Variants in ATXN7L1 observed in about 807,000 individuals in gnomAD.
ATXN7L1 encodes the protein ataxin-7-like protein 1.
Under a neutral mutation model 70.8 loss-of-function variants are expected in ATXN7L1, and 15 were observed. The observed-to-expected ratio is 0.21, with a 90% CI of 0.14 to 0.33. The LOEUF (loss-of-function observed/expected upper bound fraction) is 0.33. Among genes scored for constraint, ATXN7L1 ranks in the 10% least tolerant of loss-of-function variants. The probability of loss-of-function intolerance (pLI) is 1.00; values close to 1 mark genes in which losing one functional copy is unlikely to be tolerated. For synonymous variants in ATXN7L1, 440 were observed against 445.1 expected, an observed-to-expected ratio of 0.99 and a Z score of 0.14; for missense variants, 975 against 1,097.1, an observed-to-expected ratio of 0.89 and a Z score of 1.57.
chr7:105,854,918 C>T (rs1815485032), intron 2 of ATXN7L1, among the ~76,000 whole-genome samples: 1 of 151,442 alleles, frequency 6.6e-6, no homozygotes, highest in Non-Finnish European at 1.5e-5. Flanking sequence ...ATTATCTATG[C>T]TTTGAGTATG....
chr7:105,729,729 A>C (rs1584857694), intron 3 of ATXN7L1, among the ~76,000 whole-genome samples: 2 of 136,052 alleles, frequency 1.5e-5, no homozygotes, highest in Non-Finnish European at 1.5e-5. Flanking sequence ...TGTGCCTGGC[A>C]CCACTTCTTT....
chr7:105,697,612 A>T (rs187922445), intron 3 of ATXN7L1, among the ~76,000 whole-genome samples: 172 of 152,326 alleles, frequency 1.1e-3, no homozygotes, highest in Non-Finnish European at 1.9e-3. Flanking sequence ...GGCGACATAC[A>T]TCCTTCTCGG....
intron 3 of ATXN7L1, among the ~76,000 whole-genome samples, chr7:105,776,487 CA>C (rs1324224776): frequency 9.3e-6 from 1 of 107,810 alleles, no homozygotes; most frequent in Admixed American, 9.9e-5. Context: ...AACAAACAAA[CA>C]AACAACCCCC....
At chr7:105,651,769 G>T (rs1799875580) in intron 4 of ATXN7L1, among the ~76,000 whole-genome samples, 1 of 152,306 alleles carries the variant, frequency 6.6e-6, no homozygotes, top group Admixed American at 6.5e-5. Flanking sequence ...TCTGGAAGAG[G>T]AGTAAGGAGG....
intron 3 of ATXN7L1, among the ~76,000 whole-genome samples, chr7:105,740,776 T>TA (rs1797911583): frequency 9.4e-6 from 1 of 106,170 alleles, no homozygotes; most frequent in Non-Finnish European, 1.7e-5. Flanking sequence ...TTCATTTTTT[T>TA]TTTTTTTTAA....
chr7:105,732,163 A>G lies in ATXN7L1; in HGVS notation c.355+56441T>C, dbSNP rs139847594. Among the ~76,000 whole-genome samples the G allele has an allele frequency of 1.8e-3, 274 of 152,270 alleles. 4 individuals carry two copies. The highest frequency in any genetic ancestry group is 6.3e-3 in the African/African-American group (260 of 41,566). ...GTTGGCTCACTCCTGTAATCCCAACACTTTGAGAGGCCAAGGTGGGCAGAT... is the reference window on the plus strand; with the variant it reads ...GTTGGCTCACTCCTGTAATCCCAACGCTTTGAGAGGCCAAGGTGGGCAGAT... On this transcript the variant is annotated intron_variant, in intron 3 of 11. Transcript: ENST00000419735.
At chr7:105,819,844 G>A (rs1462217294) in intron 2 of ATXN7L1, 1 of 616,924 alleles carries the variant, frequency 1.6e-6, no homozygotes, top group Non-Finnish European at 3.1e-6. Flanking sequence ...AAAGCGGATG[G>A]TGGTTCCTGC....
intron 4 of ATXN7L1, among the ~76,000 whole-genome samples, chr7:105,662,106 CTTT>C (rs768527097): frequency 1.3e-5 from 1 of 74,696 alleles, no homozygotes; most frequent in African/African-American, 4.4e-5. Context: ...CTTTTCTTTT[CTTT>C]TTTTTTTTTT....
intron 3 of ATXN7L1, among the ~76,000 whole-genome samples, chr7:105,757,432 A>T (rs1375912764): frequency 6.6e-6 from 1 of 152,066 alleles, no homozygotes; most frequent in Non-Finnish European, 1.5e-5. Context: ...TGATTTTACA[A>T]TGCTCTGGGG....
Position 105,614,654 on chromosome 7 carries a change from T to G in ATXN7L1, c.1680A>C (p.Ser560=). The change falls in exon 10 of 12, where the codon TCA becomes TCC. Residue 560 remains serine, a synonymous_variant. Coordinates refer to ENST00000419735, the MANE Select transcript of ATXN7L1 (RefSeq NM_020725.2). The surrounding 1 kb of genome is among the most constrained non-coding windows in gnomAD (Gnocchi z 4.3). ...SRLTSSYIMT[S]AMLSNAAFVT... ...CGAAAGCTGCGTTTGAGAGCATGGC[T>G]GATGTCATTATGTAAGAAGAGGTGA... is the stretch of plus-strand genomic sequence containing the variant. The G allele has an allele frequency of 1.3e-6, 2 of 1,551,650 alleles. No homozygotes were observed. Among genetic ancestry groups the G allele is most frequent in the Non-Finnish European group, 1.7e-6 (2 of 1,146,996 alleles).
intron 2 of ATXN7L1, among the ~76,000 whole-genome samples, chr7:105,838,904 T>C (rs368578911): frequency 6.6e-5 from 10 of 152,302 alleles, no homozygotes; most frequent in African/African-American, 2.4e-4. Flanking sequence ...AGAAAGACTC[T>C]AGGAACCTCA....
chr7:105,704,443 T>C (rs1314842368), intron 3 of ATXN7L1, among the ~76,000 whole-genome samples: 1 of 152,160 alleles, frequency 6.6e-6, no homozygotes, highest in Non-Finnish European at 1.5e-5. Context: ...ATTAAGTTAG[T>C]ACTTCAAAAA....
chr7:105,754,326 C>T (rs1799543306), intron 3 of ATXN7L1, among the ~76,000 whole-genome samples: 1 of 152,094 alleles, frequency 6.6e-6, no homozygotes, highest in African/African-American at 2.4e-5. Context: ...GATCTCTGCA[C>T]TATCTCTTTT....
At chr7:105,838,234 C>A (rs1242479469) in intron 2 of ATXN7L1, among the ~76,000 whole-genome samples, 1 of 152,168 alleles carries the variant, frequency 6.6e-6, no homozygotes, top group Non-Finnish European at 1.5e-5. Context: ...GTCTGCCTGT[C>A]GTTCTTTCTT....
chr7:105,741,890 C>A (rs1798058806), intron 3 of ATXN7L1, among the ~76,000 whole-genome samples: 1 of 152,182 alleles, frequency 6.6e-6, no homozygotes, highest in Non-Finnish European at 1.5e-5. Context: ...AATGCCCAAG[C>A]CTTCCAGCAA....
At chr7:105,796,973 T>A (rs1008814950) in intron 2 of ATXN7L1, among the ~76,000 whole-genome samples, 2 of 152,192 alleles carry the variant, frequency 1.3e-5, no homozygotes, top group Non-Finnish European at 2.9e-5. Flanking sequence ...CACTTTCTGT[T>A]TCTCAGATCT....
chr7:105,708,564 T>C (rs1793470853), intron 3 of ATXN7L1, among the ~76,000 whole-genome samples: 1 of 152,262 alleles, frequency 6.6e-6, no homozygotes, highest in Admixed American at 6.5e-5. Flanking sequence ...GATAATTAAC[T>C]GATCAATTTT....
At position 105,666,016 on chromosome 7, in the gene ATXN7L1, AT is replaced by A. The variant is rs1186683075; in HGVS notation, c.356-729del. 1.1e-4 allele frequency among the ~76,000 whole-genome samples: 16 copies of A among 152,370 alleles called. No individual in the cohort carries two copies. The South Asian group carries it at 3.3e-3, about 32-fold the overall frequency. Reference sequence around the variant, plus strand: ...GGGCAGAGATGCCTCACTTGTTCACATTCTGTTAGCCACTGTGCTTTCGACT... The same window carrying A: ...GGGCAGAGATGCCTCACTTGTTCACATCTGTTAGCCACTGTGCTTTCGACT... On this transcript the variant is annotated intron_variant, in intron 3 of 11. Coordinates refer to ENST00000419735, the MANE Select transcript of ATXN7L1 (RefSeq NM_020725.2).
At chr7:105,726,734 G>A (rs1416886742) in intron 3 of ATXN7L1, among the ~76,000 whole-genome samples, 1 of 152,172 alleles carries the variant, frequency 6.6e-6, no homozygotes, top group Non-Finnish European at 1.5e-5. Flanking sequence ...AGGAGCACAT[G>A]AGAGACCAGG....
Sources: allele counts gnomAD v4.1 joint callset (sites outside exome capture counted in the v4.1 genomes callset), GRCh38; gene constraint gnomAD v4.1.1; non-coding constraint Gnocchi (gnomAD v3.1); transcripts MANE v1.5; gene names NCBI Gene and HGNC (gene_info 2026-07-23, HGNC 2026-07-21).